Variants in PSMB2 observed in about 807,000 individuals in gnomAD.
PSMB2 encodes proteasome 20S subunit beta 2, also known as proteasome subunit beta type-2.
Under a neutral mutation model 25.7 loss-of-function variants are expected in PSMB2, and 13 were observed. The observed-to-expected ratio is 0.51, with a 90% CI of 0.33 to 0.80. The LOEUF is 0.80. PSMB2 is among the 30% of genes least tolerant of loss of function. The pLI, the probability that PSMB2 is intolerant of heterozygous loss-of-function variation, is 0.02. For missense variants in PSMB2, 202 were observed against 259.0 expected (o/e 0.78, Z 1.51); for synonymous variants, 87 against 96.2 (o/e 0.90, Z 0.56).
At chr1:35,624,395 A>G (rs1650787592) in intron 3 of PSMB2, among the ~76,000 whole-genome samples, 1 of 152,138 alleles carries the variant, frequency 6.6e-6, no homozygotes, top group South Asian at 2.1e-4. Flanking sequence ...ATAAAACTTT[A>G]CCTAGAATTC....
At chr1:35,617,137 C>T (rs192712119) in intron 3 of PSMB2, among the ~76,000 whole-genome samples, 1 of 152,262 alleles carries the variant, frequency 6.6e-6, no homozygotes, top group African/African-American at 2.4e-5. Flanking sequence ...CAACCTCCAC[C>T]TCCCGGGTTC....
Position 35,600,035 on chromosome 1 carries a change from C to A in PSMB2, c.*3232G>T. On this transcript the variant is annotated 3_prime_UTR_variant, in exon 6 of 6. Coordinates refer to ENST00000373237, the MANE Select transcript of PSMB2 (RefSeq NM_002794.5). ...CCTCTAGTCCCAGCTAGTTGGGAGG[C>A]TGGGGTAAGAGGTTCACTTGAGCCC... is the stretch of plus-strand genomic sequence containing the variant. 1 of 625,204 alleles carries A rather than the reference C, an allele frequency of 1.6e-6. No individual in the cohort carries two copies. The highest frequency in any genetic ancestry group is 2.0e-6 in the Non-Finnish European group (1 of 501,196). 38.7% of individuals were successfully genotyped at this position (625,204 alleles called of 1,614,324 possible). A position where few individuals can be genotyped will look rare whatever the true frequency, so the allele number is the denominator to read the frequency against.
chr1:35,635,700 G>A (rs1191783229), intron 2 of PSMB2, among the ~76,000 whole-genome samples: 2 of 151,730 alleles, frequency 1.3e-5, no homozygotes, highest in East Asian at 2.0e-4. Flanking sequence ...GTGGTGGTGC[G>A]TGCCTGTAGT....
intron 4 of PSMB2, among the ~76,000 whole-genome samples, chr1:35,607,231 CAA>C (rs905644924): frequency 2.6e-5 from 4 of 152,072 alleles, no homozygotes; most frequent in East Asian, 1.9e-4. Flanking sequence ...GCAAAGGAAA[CAA>C]GAGTGAAAAG....
chr1:35,609,268 G>C lies in PSMB2; in HGVS notation c.426C>G (p.Ile142Met), dbSNP rs1309156688. 6.2e-7 allele frequency: 1 copy of C among 1,609,674 alleles called. No homozygotes were observed. The highest frequency in any genetic ancestry group is 8.5e-7 in the Non-Finnish European group (1 of 1,178,010). Reference protein sequence around the residue: ...HGYGAFLTLSILDRYYTPTIS... With the variant: ...HGYGAFLTLSMLDRYYTPTIS... The stretch of plus-strand genomic sequence containing the variant: ...TACTCGGTGTGTAGTATCGGTCGAG[G>C]ATACTGAGAGTCAGGAAGGCACCAT... The change falls in exon 4 of 6, where the codon ATC (isoleucine) becomes ATG (methionine). Residue 142 changes from isoleucine to methionine, a missense_variant. Physicochemically the swap from Ile to Met is conservative, Grantham distance 10. Coordinates refer to ENST00000373237, the MANE Select transcript of PSMB2 (RefSeq NM_002794.5).
intron 3 of PSMB2, among the ~76,000 whole-genome samples, chr1:35,612,964 A>G (rs1419592089): frequency 3.3e-5 from 5 of 152,236 alleles, no homozygotes; most frequent in Non-Finnish European, 7.3e-5. Context: ...ATGTCAACAG[A>G]ATTTCAGAAG....
At chr1:35,638,942 AAATG>A (rs1651318619) in intron 1 of PSMB2, among the ~76,000 whole-genome samples, 1 of 152,202 alleles carries the variant, frequency 6.6e-6, no homozygotes, top group Non-Finnish European at 1.5e-5. Context: ...CTCCATCGTG[AAATG>A]AATGATTAGA....
rs543808338 is a variant in PSMB2, at chr1:35,641,390, C to G, written c.43G>C (p.Val15Leu). 1.1e-5 allele frequency: 18 copies of G among 1,614,110 alleles called. No individual in the cohort carries two copies. The highest frequency in any genetic ancestry group is 1.5e-5 in the Non-Finnish European group (18 of 1,180,028). ...CTGGCGGCCACCCGGTCGGAGGCGA[C>G]AAGAACATAGTCGGGGCCTTGGATA... ...IGIQGPDYVL[V>L]ASDRVAASNI... is the part of the protein sequence containing the mutation. Residue 15 changes from valine to leucine, a missense_variant, in exon 1 of 6, where the codon GTC becomes CTC. By Grantham distance (32) the Val-to-Leu change is conservative. Coordinates refer to ENST00000373237, the MANE Select transcript of PSMB2 (RefSeq NM_002794.5).
In PSMB2 at chr1:35,609,414, A is replaced by C. The variant is rs191731173; in HGVS notation, c.286-6T>G. On this transcript the variant is annotated splice_region_variant and splice_polypyrimidine_tract_variant and intron_variant, in intron 3 of 5. Coordinates refer to ENST00000373237, the MANE Select transcript of PSMB2 (RefSeq NM_002794.5). ...AGGTTCACATGATATGGGGTCTGCA[A>C]AGAAAAGATATGGCAAAGTGATAAC... 186 of 1,503,322 alleles carry C rather than the reference A, an allele frequency of 1.2e-4. No homozygotes were observed. The African/African-American group carries it at 2.0e-3, about 16-fold the overall frequency. 93.1% of individuals were successfully genotyped at this position (1,503,322 alleles called of 1,614,324 possible). A position where few individuals can be genotyped will look rare whatever the true frequency, so the allele number is the denominator to read the frequency against.
Position 35,641,461 on chromosome 1 carries a change from C to G in PSMB2, c.-29G>C, listed in dbSNP as rs556083217. On this transcript the variant is annotated 5_prime_UTR_variant, in exon 1 of 6. Transcript: ENST00000373237. The stretch of plus-strand genomic sequence containing the variant: ...GGCGGAAGGCCAGGGGCTGCAGGTC[C>G]GACACAGCACGAGACTCGCCCGCTT... 6.2e-7 allele frequency: 1 copy of G among 1,613,624 alleles called. No individual in the cohort carries two copies. Among genetic ancestry groups the G allele is most frequent in the Admixed American group, 1.7e-5 (1 of 59,978 alleles).
intron 3 of PSMB2, among the ~76,000 whole-genome samples, chr1:35,628,619 ATATATATATATATTTT>A (rs1650978710): frequency 4.1e-5 from 2 of 48,286 alleles, no homozygotes; most frequent in Non-Finnish European, 7.0e-5. Flanking sequence ...ATATATATAT[ATATATATATATATTTT>A]TTTTTTTTTT....
In PSMB2 at chr1:35,601,558, TA is replaced by T. The variant is rs1650002267; in HGVS notation, c.*1708del. 3 of 985,198 alleles carry T rather than the reference TA, an allele frequency of 3.0e-6. No individual in the cohort carries two copies. The African/African-American group carries it at 5.2e-5, about 17-fold the overall frequency. 61.0% of individuals were successfully genotyped at this position (985,198 alleles called of 1,614,324 possible). ...TGTAAGGCATTTATCATTGGCGTAT[TA>T]AATAGTGTATAAGACACCCAAATCT... On this transcript the variant is annotated 3_prime_UTR_variant, in exon 6 of 6. Coordinates refer to ENST00000373237, the MANE Select transcript of PSMB2 (RefSeq NM_002794.5).
chr1:35,638,256 C>T (rs1464749411), intron 1 of PSMB2, among the ~76,000 whole-genome samples: 1 of 152,006 alleles, frequency 6.6e-6, no homozygotes, highest in Non-Finnish European at 1.5e-5. Flanking sequence ...ACTTAGAGAC[C>T]CCTGAGTTGT....
chr1:35,623,595 A>G (rs1650759831), intron 3 of PSMB2, among the ~76,000 whole-genome samples: 2 of 152,318 alleles, frequency 1.3e-5, no homozygotes, highest in South Asian at 4.1e-4. Flanking sequence ...GCAGCACAAC[A>G]TTTTGTCTCC....
At chr1:35,610,573 G>A (rs1193983274) in intron 3 of PSMB2, among the ~76,000 whole-genome samples, 3 of 152,024 alleles carry the variant, frequency 2.0e-5, no homozygotes, top group Admixed American at 6.6e-5. Context: ...TTGGCTCACC[G>A]CAACCTCTAC....
chr1:35,639,449 G>A (rs759838663), intron 1 of PSMB2, among the ~76,000 whole-genome samples: 9 of 151,896 alleles, frequency 5.9e-5, no homozygotes, highest in Non-Finnish European at 8.8e-5. Context: ...TTACTCTTAG[G>A]ATTTGCTCTT....
Position 35,631,327 on chromosome 1 carries a change from T to C in PSMB2, c.232A>G (p.Thr78Ala). ...KMRNGYELSPTAAANFTRRNL... is the reference protein window; with the variant it reads ...KMRNGYELSPAAAANFTRRNL... ...CGGCGTGTGAAGTTAGCTGCTGCCG[T>C]GGGAGACAATTCATATCCTGGTAGA... The change falls in exon 3 of 6, where the codon ACG becomes GCG. Residue 78 changes from threonine (T) to alanine (A), a missense_variant. Physicochemically the swap from Thr to Ala is moderately conservative, Grantham distance 58. Transcript: ENST00000373237. 1 of 1,614,156 alleles carries C rather than the reference T, an allele frequency of 6.2e-7. No individual in the cohort carries two copies. Among genetic ancestry groups the C allele is most frequent in the Non-Finnish European group, 8.5e-7 (1 of 1,180,004 alleles).
chr1:35,627,971 TACATGG>T (rs372755905), intron 3 of PSMB2, among the ~76,000 whole-genome samples: 8 of 152,322 alleles, frequency 5.3e-5, no homozygotes, highest in African/African-American at 1.9e-4. Context: ...ACAGAAGTTA[TACATGG>T]TAACTGGCTG....
At chr1:35,606,126 T>C (rs919577019) in intron 4 of PSMB2, among the ~76,000 whole-genome samples, 1 of 152,202 alleles carries the variant, frequency 6.6e-6, no homozygotes, top group African/African-American at 2.4e-5. Flanking sequence ...CCACAGAGGC[T>C]AAAGTCGAGG....
Sources: gnomAD v4.1 joint callset for allele counts (sites outside exome capture counted in the v4.1 genomes callset) on GRCh38, gnomAD v4.1.1 for gene constraint, MANE v1.5 for transcripts, NCBI Gene and HGNC (gene_info 2026-07-23, HGNC 2026-07-21) for gene names.